The following SGMS1 variants were observed in gnomAD, a reference collection of about 807,000 sequenced individuals.
SGMS1 encodes the protein sphingomyelin synthase 1, also known as phosphatidylcholine:ceramide cholinephosphotransferase 1.
In SGMS1, 13 loss-of-function variants were observed where a neutral mutation model predicts 46.2. The observed-to-expected ratio is 0.28, with a 90% confidence interval of 0.18 to 0.45. SGMS1 has a LOEUF of 0.45. Ranked by LOEUF, SGMS1 falls within the 20% of genes least tolerant of loss-of-function variation. SGMS1 has a pLI of 1.00. For synonymous variants in SGMS1, 203 were observed against 187.8 expected, an observed-to-expected ratio of 1.08 and a Z score of -0.66; for missense variants, 324 against 519.9, an observed-to-expected ratio of 0.62 and a Z score of 3.66.
At chr10:50,554,661 A>C (rs1838176039) in intron 2 of SGMS1, among the ~76,000 whole-genome samples, 1 of 152,146 alleles carries the variant, frequency 6.6e-6, no homozygotes, top group South Asian at 2.1e-4. Flanking sequence ...AGCTCATCTA[A>C]AATGATTGGC....
At chr10:50,419,404 C>T (rs893834897) in intron 6 of SGMS1, among the ~76,000 whole-genome samples, 4 of 152,114 alleles carry the variant, frequency 2.6e-5, no homozygotes, top group African/African-American at 9.7e-5. Flanking sequence ...GTCTGAGTCC[C>T]TCATTTAAGT....
chr10:50,622,124 G>T (rs1838857551), intron 1 of SGMS1, among the ~76,000 whole-genome samples: 1 of 152,124 alleles, frequency 6.6e-6, no homozygotes, highest in African/African-American at 2.4e-5. Flanking sequence ...GCTTGGCCAC[G>T]GCATGTCTTC....
chr10:50,497,240 A>G (rs1460803924), intron 3 of SGMS1, among the ~76,000 whole-genome samples: 2 of 152,226 alleles, frequency 1.3e-5, no homozygotes, highest in Non-Finnish European at 2.9e-5. Context: ...TCAAACTTAC[A>G]AAGTTGTCTA....
At chr10:50,514,022 G>A (rs1837780819) in intron 3 of SGMS1, among the ~76,000 whole-genome samples, 1 of 152,064 alleles carries the variant, frequency 6.6e-6, no homozygotes, top group Non-Finnish European at 1.5e-5. Context: ...ATATTGTTAA[G>A]TTCAAAAGAC....
intron 8 of SGMS1, among the ~76,000 whole-genome samples, chr10:50,317,735 A>G (rs1486890444): frequency 6.6e-6 from 1 of 151,866 alleles, no homozygotes; most frequent in East Asian, 1.9e-4. Flanking sequence ...CTATTCACTA[A>G]CTATTTTTCG....
intron 6 of SGMS1, among the ~76,000 whole-genome samples, chr10:50,362,182 A>C (rs1460650323): frequency 6.6e-6 from 1 of 152,262 alleles, no homozygotes; most frequent in Non-Finnish European, 1.5e-5. Flanking sequence ...TATCAAGCAC[A>C]TAAAAATCTA....
chr10:50,589,554 C>T (rs533178029), intron 2 of SGMS1, among the ~76,000 whole-genome samples: 7 of 152,324 alleles, frequency 4.6e-5, no homozygotes, highest in Non-Finnish European at 7.3e-5. Flanking sequence ...ACTACAGCCT[C>T]GACTTTGTGG....
At chr10:50,372,383 A>G (rs1193278537) in intron 6 of SGMS1, among the ~76,000 whole-genome samples, 1 of 152,220 alleles carries the variant, frequency 6.6e-6, no homozygotes, top group Non-Finnish European at 1.5e-5. Flanking sequence ...TTTAAAAATA[A>G]GTAATCTCTT....
chr10:50,504,563 G>C (rs1218942552), intron 3 of SGMS1, among the ~76,000 whole-genome samples: 1 of 152,110 alleles, frequency 6.6e-6, no homozygotes, highest in South Asian at 2.1e-4. Flanking sequence ...GTGACAAAAG[G>C]CAATTCTCCA....
intron 6 of SGMS1, among the ~76,000 whole-genome samples, chr10:50,380,776 C>CT (rs1848591798): frequency 1.6e-5 from 2 of 128,996 alleles, no homozygotes; most frequent in Non-Finnish European, 3.4e-5. Flanking sequence ...CTCACACTCT[C>CT]TTTTTTTAAC....
intron 9 of SGMS1, among the ~76,000 whole-genome samples, chr10:50,309,316 T>C (rs1333872281): frequency 1.3e-5 from 2 of 152,176 alleles, no homozygotes; most frequent in Admixed American, 1.3e-4. Context: ...ATATATGCCA[T>C]CTAATTTTAA....
At chr10:50,587,283 C>T (rs574879356) in intron 2 of SGMS1, among the ~76,000 whole-genome samples, 1 of 152,014 alleles carries the variant, frequency 6.6e-6, no homozygotes, top group South Asian at 2.1e-4. Flanking sequence ...AACCAAATAG[C>T]CTACAAATAG....
At chr10:50,623,633 G>C (rs1468925359) in intron 1 of SGMS1, 74 bp downstream of exon 1, 23 of 985,166 alleles carry the variant, frequency 2.3e-5, no homozygotes, top group Non-Finnish European at 2.8e-5. Flanking sequence ...GCATAAGGCC[G>C]GGCCCGCGAG....
intron 6 of SGMS1, among the ~76,000 whole-genome samples, chr10:50,358,608 G>C (rs1478274232): frequency 6.6e-6 from 1 of 152,208 alleles, no homozygotes; most frequent in Non-Finnish European, 1.5e-5. Flanking sequence ...AGAATTGCTA[G>C]AACCTGGGAG....
At chr10:50,529,137 G>A (rs1837930259) in intron 2 of SGMS1, among the ~76,000 whole-genome samples, 1 of 152,172 alleles carries the variant, frequency 6.6e-6, no homozygotes, top group African/African-American at 2.4e-5. Flanking sequence ...AAAAGATAAA[G>A]CCAAAGATCC....
At chr10:50,323,586 T>G (rs1847482988) in intron 8 of SGMS1, among the ~76,000 whole-genome samples, 1 of 152,246 alleles carries the variant, frequency 6.6e-6, no homozygotes, top group South Asian at 2.1e-4. Context: ...TCCAGCCTGA[T>G]GTTTCCCTCA....
chr10:50,314,075 A>T (rs1237195426), intron 8 of SGMS1, among the ~76,000 whole-genome samples: 5 of 152,214 alleles, frequency 3.3e-5, no homozygotes, highest in African/African-American at 1.2e-4. Context: ...TTGTTTACAT[A>T]GCACAGAGAA....
chr10:50,414,969 C>T (rs764065946), intron 6 of SGMS1, among the ~76,000 whole-genome samples: 6 of 152,328 alleles, frequency 3.9e-5, no homozygotes, highest in South Asian at 2.1e-4. Context: ...ACACGTAGCA[C>T]GTTATTAAAT....
intron 2 of SGMS1, among the ~76,000 whole-genome samples, chr10:50,576,253 C>A (rs1490077219): frequency 6.6e-6 from 1 of 152,186 alleles, no homozygotes; most frequent in Non-Finnish European, 1.5e-5. Flanking sequence ...ATGGCCAGTT[C>A]ATCCTCATTA....
Sources: gnomAD v4.1 joint callset for allele counts (sites outside exome capture counted in the v4.1 genomes callset) on GRCh38, gnomAD v4.1.1 for gene constraint, MANE v1.5 for transcripts, NCBI Gene and HGNC (gene_info 2026-07-23, HGNC 2026-07-21) for gene names.